ANXA13: variants seen among roughly 807,000 people sequenced by gnomAD.
ANXA13 encodes the protein annexin XIII.
Under a neutral mutation model 46.6 loss-of-function variants are expected in ANXA13, and 36 were observed. The ratio of observed to expected loss-of-function variants is 0.77; its 90% CI spans 0.59 to 1.02. The LOEUF (loss-of-function observed/expected upper bound fraction) is 1.02. ANXA13 is among the 50% of genes least tolerant of loss of function. ANXA13 has a pLI of 0.00. For missense variants in ANXA13, 417 were observed against 396.5 expected (o/e 1.05, Z -0.44); for synonymous variants, 163 against 152.9 (o/e 1.07, Z -0.49).
rs145772090 is a variant in ANXA13, at chr8:123,712,518, G to A, written c.91+160C>T. On this transcript the variant is annotated intron_variant, in intron 2 of 10. Coordinates refer to ENST00000419625, the MANE Select transcript of ANXA13 (RefSeq NM_004306.4). ...AGTAATAGGATCCTACTGTAATTTT[G>A]CGAACTTTAATAAAGAGGTTAGTGG... is the stretch of plus-strand genomic sequence containing the variant. 835 of 645,296 alleles carry A rather than the reference G, an allele frequency of 1.3e-3. 12 individuals carry two copies. In the Admixed American group the frequency reaches 0.019, roughly 15 times the overall value. The allele number at this position is 645,296 out of a possible 1,614,324, so 40.0% of individuals were successfully genotyped here.
In ANXA13 at chr8:123,681,206, G is replaced by T; in HGVS notation, c.*34C>A. 2 of 1,576,716 alleles carry T rather than the reference G, an allele frequency of 1.3e-6. No individual in the cohort carries two copies. Among genetic ancestry groups the T allele is most frequent in the Non-Finnish European group, 1.7e-6 (2 of 1,161,170 alleles). On this transcript the variant is annotated 3_prime_UTR_variant, in exon 11 of 11. Coordinates refer to ENST00000419625, the MANE Select transcript of ANXA13 (RefSeq NM_004306.4). ...TTGGAATGTGCTCTTGACAAAGGCG[G>T]TTCCACCCTGTGTTCCTATTGCCCT... is the stretch of plus-strand genomic sequence containing the variant.
chr8:123,686,124 A>T (rs1813136171), intron 9 of ANXA13, among the ~76,000 whole-genome samples: 1 of 152,164 alleles, frequency 6.6e-6, no homozygotes, highest in South Asian at 2.1e-4. Context: ...TGTTAGCAGC[A>T]GCAGGAATCT....
chr8:123,708,042 T>G (rs1813576172), intron 2 of ANXA13, among the ~76,000 whole-genome samples: 1 of 152,122 alleles, frequency 6.6e-6, no homozygotes, highest in Non-Finnish European at 1.5e-5. Context: ...GGGGTGTTTC[T>G]ACTACCCAGT....
In ANXA13 at chr8:123,698,455, C is replaced by A; in HGVS notation, c.291G>T (p.Lys97Asn). The A allele has an allele frequency of 6.2e-7, 1 of 1,614,222 alleles. No individual in the cohort carries two copies. The highest frequency in any genetic ancestry group is 1.1e-5 in the South Asian group (1 of 91,084). ...PSEYAARQLQ[K>N]AMKGLGTDES... ...CATCTGTGCCCAGACCCTTCATAGC[C>A]TTCTGCAGCTGCCGGGCGGCGTACT... Residue 97 changes from lysine to asparagine, a missense_variant, in exon 4 of 11, where the codon AAG (lysine) becomes AAT (asparagine). Transcript: ENST00000419625.
chr8:123,719,229 T>C (rs1813815895), intron 1 of ANXA13, among the ~76,000 whole-genome samples: 1 of 152,232 alleles, frequency 6.6e-6, no homozygotes, highest in African/African-American at 2.4e-5. Context: ...GGCTGGACAA[T>C]AAGAATAGAT....
intron 4 of ANXA13, among the ~76,000 whole-genome samples, chr8:123,696,717 T>C (rs999712283): frequency 6.6e-6 from 1 of 152,090 alleles, no homozygotes. Context: ...TTTGTGCAGC[T>C]CCCTCCCTTT....
At chr8:123,708,916 T>C (rs1813599140) in intron 2 of ANXA13, among the ~76,000 whole-genome samples, 2 of 152,176 alleles carry the variant, frequency 1.3e-5, no homozygotes, top group African/African-American at 2.4e-5. Context: ...TGTCTCTGTC[T>C]CTCCTAAGGA....
chr8:123,704,787 T>C (rs1813510385), intron 2 of ANXA13, among the ~76,000 whole-genome samples: 2 of 152,174 alleles, frequency 1.3e-5, no homozygotes, highest in African/African-American at 4.8e-5. Context: ...ATCACCTCCC[T>C]CTCAGGGTTC....
chr8:123,712,980 C>T lies in ANXA13; in HGVS notation c.16-227G>A, dbSNP rs545067515. On this transcript the variant is annotated intron_variant, in intron 1 of 10. Coordinates refer to ENST00000419625, the MANE Select transcript of ANXA13 (RefSeq NM_004306.4). ...CTTGGATGACCAGGAGAATGGGCCCCTCTGTTCTCAAGGACAATCATCCTG... is the reference window on the plus strand; with the variant it reads ...CTTGGATGACCAGGAGAATGGGCCCTTCTGTTCTCAAGGACAATCATCCTG... Among the ~76,000 whole-genome samples the T allele has an allele frequency of 8.5e-5, 13 of 152,306 alleles. No homozygotes were observed. The South Asian group carries it at 2.1e-3, about 24-fold the overall frequency.
At chr8:123,705,981 A>C (rs1813532224) in intron 2 of ANXA13, among the ~76,000 whole-genome samples, 2 of 152,210 alleles carry the variant, frequency 1.3e-5, no homozygotes, top group East Asian at 1.9e-4. Context: ...CCATGTTCCA[A>C]ACCTTTGGGT....
chr8:123,695,186 G>C (rs1415159798), intron 6 of ANXA13, among the ~76,000 whole-genome samples: 2 of 152,020 alleles, frequency 1.3e-5, no homozygotes, highest in African/African-American at 4.8e-5. Flanking sequence ...GCATGAACCT[G>C]GGCAGGTTAC....
chr8:123,721,215 C>T (rs1813865375), intron 1 of ANXA13, among the ~76,000 whole-genome samples: 1 of 152,102 alleles, frequency 6.6e-6, no homozygotes, highest in Non-Finnish European at 1.5e-5. Context: ...TTTTTTGAGG[C>T]TGAATAATAT....
intron 1 of ANXA13, among the ~76,000 whole-genome samples, chr8:123,736,411 A>G (rs759604325): frequency 3.3e-5 from 5 of 152,228 alleles, no homozygotes; most frequent in Admixed American, 6.5e-5. Flanking sequence ...AGTTGGTTCC[A>G]AAAGGTAGTG....
chr8:123,698,249 A>G (rs1813379176), intron 4 of ANXA13, 140 bp downstream of exon 4: 1 of 867,780 alleles, frequency 1.2e-6, no homozygotes, highest in South Asian at 1.9e-5. Flanking sequence ...GTCCTCCCAC[A>G]TGGACCAAGC....
intron 1 of ANXA13, among the ~76,000 whole-genome samples, chr8:123,716,079 T>C (rs1332732622): frequency 2.6e-5 from 4 of 152,176 alleles, no homozygotes; most frequent in Non-Finnish European, 5.9e-5. Context: ...ATTTTTCCTT[T>C]TTTCCTTTTT....
intron 2 of ANXA13, 102 bp from the exon 3 acceptor site, chr8:123,702,838 G>T (rs2129870469): frequency 9.7e-7 from 1 of 1,031,520 alleles, no homozygotes. Context: ...GCTTAAAGGT[G>T]GTTGGAGGTG....
At position 123,695,588 on chromosome 8, in the gene ANXA13, A is replaced by G; in HGVS notation, c.392-7T>C. ...TCGAGGCTCCTATCAAATACTTCGA[A>G]GGAAGTAAACAAGGAGGGAAGAAAG... On this transcript the variant is annotated splice_region_variant and splice_polypyrimidine_tract_variant and intron_variant, in intron 5 of 10. Transcript: ENST00000419625. 1 of 1,613,246 alleles carries G rather than the reference A, an allele frequency of 6.2e-7. No individual in the cohort carries two copies. Among genetic ancestry groups the G allele is most frequent in the South Asian group, 1.1e-5 (1 of 91,026 alleles).
intron 1 of ANXA13, among the ~76,000 whole-genome samples, chr8:123,727,075 A>C (rs1380612237): frequency 6.6e-6 from 1 of 152,184 alleles, no homozygotes; most frequent in Non-Finnish European, 1.5e-5. Flanking sequence ...GAGGGTAAGG[A>C]ATAAAAAACT....
chr8:123,687,224 C>G (rs1813157010), intron 9 of ANXA13, among the ~76,000 whole-genome samples: 2 of 152,166 alleles, frequency 1.3e-5, no homozygotes, highest in Admixed American at 1.3e-4. Context: ...TGACTGCACT[C>G]TGGTGTTTTC....
Sources: gnomAD v4.1 joint callset for allele counts (sites outside exome capture counted in the v4.1 genomes callset) on GRCh38, gnomAD v4.1.1 for gene constraint, MANE v1.5 for transcripts, NCBI Gene and HGNC (gene_info 2026-07-23, HGNC 2026-07-21) for gene names.